Variants in ITGAX observed in about 807,000 individuals in gnomAD.
The protein encoded by ITGAX is integrin subunit alpha X.
ITGAX carries 99 observed loss-of-function variants against 140.2 expected under a neutral mutation model. The observed-to-expected ratio is 0.71, with a 90% CI of 0.60 to 0.83. ITGAX has a LOEUF of 0.83. Ranked by LOEUF, ITGAX falls within the 40% of genes least tolerant of loss-of-function variation. ITGAX has a pLI of 0.00. For missense variants in ITGAX, 1,444 were observed against 1,482.0 expected (o/e 0.97, Z 0.42); for synonymous variants, 631 against 600.4 (o/e 1.05, Z -0.75).
intron 5 of ITGAX, chr16:31,357,753 A>ATATGACCAAT (rs1459401808): frequency 1.9e-5 from 8 of 426,304 alleles, no homozygotes; most frequent in Non-Finnish European, 2.9e-5. Context: ...GGGTCCTGGG[A>ATATGACCAAT]TATGACCAAT....
chr16:31,371,608 C>A, intron 16 of ITGAX, 22 bp from the exon 17 acceptor site: 1 of 1,613,650 alleles, frequency 6.2e-7, no homozygotes, highest in Non-Finnish European at 8.5e-7. Flanking sequence ...TGTCTCAACG[C>A]CGTCCCTGCG....
intron 11 of ITGAX, 53 bp downstream of exon 11, chr16:31,362,257 G>T: frequency 6.2e-7 from 1 of 1,611,032 alleles, no homozygotes; most frequent in Non-Finnish European, 8.5e-7. Flanking sequence ...GCCCAGGGTG[G>T]GGTCCAGGGT....
rs115153713 is a variant in ITGAX, at chr16:31,359,990, A to C, written c.632A>C (p.Asn211Thr). Residue 211 changes from asparagine to threonine, a missense_variant, in exon 7 of 30, where the codon AAC becomes ACC. Asn to Thr is a moderately conservative substitution (Grantham distance 65, BLOSUM62 0). Coordinates refer to ENST00000268296, the MANE Select transcript of ITGAX (RefSeq NM_000887.5). ...TTCGAGGAATTCAGGCGCAGCTCAA[A>C]CCCCCTCAGCCTGTTGGCTTCTGTT... ...FTFEEFRRSSNPLSLLASVHQ... is the reference protein window; with the variant it reads ...FTFEEFRRSSTPLSLLASVHQ... 758 of 1,613,786 alleles carry C rather than the reference A, an allele frequency of 4.7e-4. 1 individual carries two copies. The African/African-American group carries it at 8.9e-3, about 19-fold the overall frequency.
In ITGAX at chr16:31,372,475, T is replaced by C. The variant is rs2080978024; in HGVS notation, c.2258T>C (p.Leu753Pro). The C allele has an allele frequency of 1.2e-6, 2 of 1,607,780 alleles. No homozygotes were observed. The highest frequency in any genetic ancestry group is 1.3e-5 in the African/African-American group (1 of 74,308). The change falls in exon 18 of 30, where the codon CTG (leucine) becomes CCG (proline). Residue 753 changes from leucine (L) to proline (P), a missense_variant. Physicochemically the swap from Leu to Pro is moderately conservative, Grantham distance 98 (BLOSUM62 -3). Transcript: ENST00000268296. ...LLAFRNLRPM[L>P]AADAQRYFTA... ...GCCTTCAGAAACCTGCGGCCTATGCTGGCCGCCGATGCTCAGAGATACTTC... is the reference window on the plus strand; with the variant it reads ...GCCTTCAGAAACCTGCGGCCTATGCCGGCCGCCGATGCTCAGAGATACTTC...
chr16:31,372,610 A>T lies in ITGAX; in HGVS notation c.2306A>T (p.Lys769Met), dbSNP rs950546439. 6.2e-7 allele frequency: 1 copy of T among 1,614,028 alleles called. No homozygotes were observed. Among genetic ancestry groups the T allele is most frequent in the Non-Finnish European group, 8.5e-7 (1 of 1,180,014 alleles). Reference sequence around the variant, plus strand: ...CTTCCCACGCAGCTACCCTTTGAGAAGAACTGTGGAGCCGACCATATCTGC... The same window carrying T: ...CTTCCCACGCAGCTACCCTTTGAGATGAACTGTGGAGCCGACCATATCTGC... ...RYFTASLPFEKNCGADHICQD... is the reference protein window; with the variant it reads ...RYFTASLPFEMNCGADHICQD... The change falls in exon 19 of 30, where the codon AAG becomes ATG. Residue 769 changes from lysine to methionine, a missense_variant. Physicochemically the swap from Lys to Met is moderately conservative, Grantham distance 95. Coordinates refer to ENST00000268296, the MANE Select transcript of ITGAX (RefSeq NM_000887.5).
intron 29 of ITGAX, among the ~76,000 whole-genome samples, chr16:31,381,536 A>G (rs986069324): frequency 6.6e-6 from 1 of 152,128 alleles, no homozygotes; most frequent in African/African-American, 2.4e-5. Context: ...CTCTACTAAA[A>G]ATACAAAAAT....
intron 29 of ITGAX, 132 bp downstream of exon 29, chr16:31,381,139 C>A: frequency 1.6e-6 from 1 of 631,374 alleles, no homozygotes; most frequent in Non-Finnish European, 2.8e-6. Flanking sequence ...TGCTTCCCAC[C>A]TGCAATGTCA....
chr16:31,372,111 C>T (rs946664691), intron 17 of ITGAX, among the ~76,000 whole-genome samples: 1 of 151,718 alleles, frequency 6.6e-6, no homozygotes, highest in African/African-American at 2.4e-5. Flanking sequence ...ACAGGCCTTG[C>T]CCTGGGGGCC....
chr16:31,368,255 A>G (rs1305380385), intron 14 of ITGAX, among the ~76,000 whole-genome samples: 1 of 151,146 alleles, frequency 6.6e-6, no homozygotes, highest in Non-Finnish European at 1.5e-5. Context: ...GCACTTAGGG[A>G]GGCTGAGGTG....
In ITGAX at chr16:31,362,919, AG is replaced by A; in HGVS notation, c.1360-14del. 1.2e-6 allele frequency: 2 copies of A among 1,611,272 alleles called. No individual in the cohort carries two copies. The highest frequency in any genetic ancestry group is 1.7e-6 in the Non-Finnish European group (2 of 1,179,534). ...CTGGCAGGGACAGGCAGCATGACCC[AG>A]GCTCTGCCCTTCAGATCGGCTCCTA... On this transcript the variant is annotated splice_polypyrimidine_tract_variant and intron_variant, in intron 12 of 29. Coordinates refer to ENST00000268296, the MANE Select transcript of ITGAX (RefSeq NM_000887.5).
chr16:31,378,144 C>T (rs933781606), intron 23 of ITGAX, among the ~76,000 whole-genome samples: 3 of 152,154 alleles, frequency 2.0e-5, no homozygotes, highest in African/African-American at 7.2e-5. Flanking sequence ...TGCTGTGGGC[C>T]CTCCCTCCCC....
intron 14 of ITGAX, among the ~76,000 whole-genome samples, chr16:31,367,711 A>AT (rs555364623): frequency 1.4e-4 from 22 of 152,310 alleles, no homozygotes; most frequent in Non-Finnish European, 2.9e-4. Context: ...GTTCAAGGAG[A>AT]TTAGTGTTGT....
intron 17 of ITGAX, 63 bp downstream of exon 17, chr16:31,371,847 G>T: frequency 6.3e-7 from 1 of 1,578,404 alleles, no homozygotes; most frequent in South Asian, 1.2e-5. Context: ...AGGGCAGGGA[G>T]AGAACAGGCT....
intron 14 of ITGAX, among the ~76,000 whole-genome samples, chr16:31,367,424 T>C (rs1338318206): frequency 6.6e-6 from 1 of 152,206 alleles, no homozygotes; most frequent in African/African-American, 2.4e-5. Context: ...GTTGACTCTC[T>C]TGTTAGAGGC....
Position 31,371,807 on chromosome 16 carries a change from G to C in ITGAX, c.2160+23G>C, listed in dbSNP as rs761334441. The C allele has an allele frequency of 1.9e-5, 30 of 1,611,392 alleles. 1 individual carries two copies. The South Asian group carries it at 2.8e-4, about 15-fold the overall frequency. On this transcript the variant is annotated intron_variant, in intron 17 of 29. Transcript: ENST00000268296. ...CCGGTGCGTCTGGGCATGAACGTGGGTGGCGGCCGCGCTGGGGCTGGCAGA... is the reference window on the plus strand; with the variant it reads ...CCGGTGCGTCTGGGCATGAACGTGGCTGGCGGCCGCGCTGGGGCTGGCAGA...
At chr16:31,369,205 C>T (rs1279786808) in intron 14 of ITGAX, among the ~76,000 whole-genome samples, 1 of 151,306 alleles carries the variant, frequency 6.6e-6, no homozygotes. Flanking sequence ...TGCCCCTCAC[C>T]TCCCGGACGG....
intron 14 of ITGAX, among the ~76,000 whole-genome samples, chr16:31,365,276 A>T (rs1453532267): frequency 6.6e-6 from 1 of 152,142 alleles, no homozygotes; most frequent in Non-Finnish European, 1.5e-5. Context: ...AAATGTTCTA[A>T]AATTGATTGT....
chr16:31,372,455 C>T lies in ITGAX; in HGVS notation c.2238C>T (p.Phe746=). ...FTLVGKPLLA[F]RNLRPMLAAD... ...TGGTGGGCAAGCCCCTCCTTGCCTT[C>T]AGAAACCTGCGGCCTATGCTGGCCG... The change falls in exon 18 of 30, where the codon TTC becomes TTT. Residue 746 remains phenylalanine, a synonymous_variant. Transcript: ENST00000268296. 2 of 1,608,244 alleles carry T rather than the reference C, an allele frequency of 1.2e-6. No homozygotes were observed. The highest frequency in any genetic ancestry group is 1.7e-6 in the Non-Finnish European group (2 of 1,178,618).
chr16:31,374,542 C>T (rs192742491), intron 20 of ITGAX, among the ~76,000 whole-genome samples: 22 of 152,246 alleles, frequency 1.4e-4, no homozygotes, highest in African/African-American at 3.9e-4. Context: ...TGGGCTCAAG[C>T]GATCCTCCCA....
Sources: gnomAD v4.1 joint callset for allele counts (sites outside exome capture counted in the v4.1 genomes callset) on GRCh38, gnomAD v4.1.1 for gene constraint, MANE v1.5 for transcripts, NCBI Gene and HGNC (gene_info 2026-07-23, HGNC 2026-07-21) for gene names.